The following ARFGAP3 variants were observed in gnomAD, a reference collection of about 807,000 sequenced individuals.
ARFGAP3 encodes ARF GTPase activating protein 3.
Under a neutral mutation model 75.0 loss-of-function variants are expected in ARFGAP3, and 72 were observed. That is an observed-to-expected ratio of 0.96 (90% CI 0.79 to 1.17). The LOEUF (loss-of-function observed/expected upper bound fraction) is 1.17. Ranked by LOEUF, ARFGAP3 falls within the 50% of genes most tolerant of loss-of-function variation. The pLI is 0.00. For missense variants in ARFGAP3, 620 were observed against 626.6 expected, an observed-to-expected ratio of 0.99 and a Z score of 0.11; for synonymous variants, 221 against 217.9, an observed-to-expected ratio of 1.01 and a Z score of -0.13.
chr22:42,846,533 G>A (rs1350176979), intron 2 of ARFGAP3, among the ~76,000 whole-genome samples: 2 of 152,222 alleles, frequency 1.3e-5, no homozygotes, highest in African/African-American at 4.8e-5. Flanking sequence ...GTAGAAGACG[G>A]TTTACTCACC....
At chr22:42,799,718 T>G (rs138735963) in intron 14 of ARFGAP3, among the ~76,000 whole-genome samples, 1 of 152,306 alleles carries the variant, frequency 6.6e-6, no homozygotes, top group East Asian at 1.9e-4. Context: ...CTGGGGTTAT[T>G]GGCAGGGACA....
intron 11 of ARFGAP3, among the ~76,000 whole-genome samples, chr22:42,816,258 C>T (rs1442777637): frequency 2.6e-5 from 4 of 152,228 alleles, no homozygotes; most frequent in Admixed American, 6.5e-5. Flanking sequence ...TCATTCGATC[C>T]TCACACAACC....
At chr22:42,845,506 A>G (rs1926973626) in intron 2 of ARFGAP3, among the ~76,000 whole-genome samples, 1 of 149,858 alleles carries the variant, frequency 6.7e-6, no homozygotes, top group Non-Finnish European at 1.5e-5. Context: ...AGCCTGGGTG[A>G]CAAAGCAAGA....
chr22:42,818,435 CTT>C (rs1056106892), intron 9 of ARFGAP3, among the ~76,000 whole-genome samples: 1 of 152,152 alleles, frequency 6.6e-6, no homozygotes, highest in African/African-American at 2.4e-5. Context: ...CTAATAGACT[CTT>C]TAGCACTACT....
In ARFGAP3 at chr22:42,834,288, G is replaced by A. The variant is rs1300247948; in HGVS notation, c.431C>T (p.Pro144Leu). The A allele has an allele frequency of 1.2e-6, 2 of 1,613,866 alleles. No homozygotes were observed. Among genetic ancestry groups the A allele is most frequent in the South Asian group, 2.2e-5 (2 of 91,068 alleles). Residue 144 changes from proline (P) to leucine (L), a missense_variant, in exon 5 of 16, where the codon CCT becomes CTT. By Grantham distance (98) the Pro-to-Leu change is moderately conservative (BLOSUM62 -3). Transcript: ENST00000263245. ...AAAAAAATCTTCCTCCTTTGGTGGAGGGGACAAAGGTGGAACCACACAACT... is the reference window on the plus strand; with the variant it reads ...AAAAAAATCTTCCTCCTTTGGTGGAAGGGACAAAGGTGGAACCACACAACT... The part of the protein sequence containing the change: ...LDSCVVPPLS[P>L]PPKEEDFFAS...
intron 2 of ARFGAP3, among the ~76,000 whole-genome samples, chr22:42,843,529 C>T (rs964750607): frequency 6.6e-6 from 1 of 152,068 alleles, no homozygotes; most frequent in Non-Finnish European, 1.5e-5. Flanking sequence ...CCACCATGCC[C>T]GGCCTTGTCT....
chr22:42,823,726 A>C (rs999585067), intron 7 of ARFGAP3, 24 bp from the exon 8 acceptor site: 3 of 1,513,532 alleles, frequency 2.0e-6, no homozygotes, highest in Non-Finnish European at 2.7e-6. Flanking sequence ...AAAATTAAAA[A>C]GTAAGACCAA....
chr22:42,797,536 T>G lies in ARFGAP3; in HGVS notation c.*52A>C. 1 of 1,612,972 alleles carries G rather than the reference T, an allele frequency of 6.2e-7. No homozygotes were observed. The highest frequency in any genetic ancestry group is 8.5e-7 in the Non-Finnish European group (1 of 1,179,000). On this transcript the variant is annotated 3_prime_UTR_variant, in exon 16 of 16. Transcript: ENST00000263245. Reference sequence around the variant, plus strand: ...TCACTGCCGCCTGAGATGTGGTTACTTGTTCATTTAAAGAGGAATTTCTCC... The same window carrying G: ...TCACTGCCGCCTGAGATGTGGTTACGTGTTCATTTAAAGAGGAATTTCTCC...
At chr22:42,835,986 T>C (rs548823669) in intron 3 of ARFGAP3, among the ~76,000 whole-genome samples, 247 of 145,914 alleles carry the variant, frequency 1.7e-3, no homozygotes, top group African/African-American at 4.6e-3. Flanking sequence ...CTTTCTTTTT[T>C]TTTTTTTTTT....
chr22:42,842,749 C>T lies in ARFGAP3; in HGVS notation c.189-1733G>A, dbSNP rs114637183. On this transcript the variant is annotated intron_variant, in intron 2 of 15. Transcript: ENST00000263245. ...ATTAATCTAGAGTTTTACTTATAGA[C>T]AATCTCAGTAATTTCCCAGCCGCCC... Among the ~76,000 whole-genome samples the T allele has an allele frequency of 6.1e-3, 931 of 152,166 alleles. 11 individuals are homozygous for T. The highest frequency in any genetic ancestry group is 0.022 in the African/African-American group (896 of 41,498).
Position 42,797,612 on chromosome 22 carries a change from A to G in ARFGAP3, c.1534-7T>C, listed in dbSNP as rs1038282613. 5 of 1,613,948 alleles carry G rather than the reference A, an allele frequency of 3.1e-6. No individual in the cohort carries two copies. The highest frequency in any genetic ancestry group is 2.2e-5 in the South Asian group (2 of 91,080). On this transcript the variant is annotated splice_polypyrimidine_tract_variant and splice_region_variant and intron_variant, in intron 15 of 15. Transcript: ENST00000263245. The stretch of plus-strand genomic sequence containing the variant: ...ATTAAGAACCGTAGCGATCCTGAAG[A>G]GAGAACCAAAATGGAAGTTCACGAC...
chr22:42,849,060 T>C (rs1354485942), intron 1 of ARFGAP3, among the ~76,000 whole-genome samples: 3 of 151,602 alleles, frequency 2.0e-5, no homozygotes, highest in Non-Finnish European at 2.9e-5. Flanking sequence ...TGCTGAGGAG[T>C]TGAGGCCCCC....
intron 13 of ARFGAP3, among the ~76,000 whole-genome samples, chr22:42,808,200 C>A (rs1422476933): frequency 1.3e-5 from 2 of 151,716 alleles, no homozygotes; most frequent in East Asian, 3.9e-4. Context: ...GAGTTCAAGA[C>A]CAGCCTAGCC....
chr22:42,849,904 A>G (rs1366167208), intron 1 of ARFGAP3, among the ~76,000 whole-genome samples: 3 of 152,154 alleles, frequency 2.0e-5, no homozygotes, highest in East Asian at 1.9e-4. Flanking sequence ...GAACCTGCAC[A>G]TGGTAAACGC....
At chr22:42,807,881 A>G (rs1925197736) in intron 13 of ARFGAP3, among the ~76,000 whole-genome samples, 1 of 150,086 alleles carries the variant, frequency 6.7e-6, no homozygotes, top group Non-Finnish European at 1.5e-5. Context: ...AAGTAGCTGG[A>G]CTAGAAGCGC....
chr22:42,811,477 G>A (rs1925364548), intron 11 of ARFGAP3, among the ~76,000 whole-genome samples: 1 of 152,188 alleles, frequency 6.6e-6, no homozygotes, highest in Non-Finnish European at 1.5e-5. Flanking sequence ...ACACTGCTGG[G>A]CCTAGAGAAC....
intron 1 of ARFGAP3, among the ~76,000 whole-genome samples, chr22:42,852,344 C>T (rs1043744044): frequency 6.6e-5 from 10 of 151,704 alleles, no homozygotes; most frequent in South Asian, 2.1e-4. Context: ...CAGGCGCCAC[C>T]GCGCCTAGCC....
chr22:42,807,401 A>G (rs918128158), intron 13 of ARFGAP3: 1 of 298,334 alleles, frequency 3.4e-6, no homozygotes, highest in Non-Finnish European at 5.0e-6. Context: ...CACGATGGCC[A>G]GTGCGGAGGC....
At chr22:42,808,317 A>C (rs1389159046) in intron 13 of ARFGAP3, among the ~76,000 whole-genome samples, 1 of 151,702 alleles carries the variant, frequency 6.6e-6, no homozygotes, top group Non-Finnish European at 1.5e-5. Flanking sequence ...AAAATCGCTT[A>C]AACTTGGGAG....
Sources: allele counts gnomAD v4.1 joint callset (sites outside exome capture counted in the v4.1 genomes callset), GRCh38; gene constraint gnomAD v4.1.1; transcripts MANE v1.5; gene names NCBI Gene and HGNC (gene_info 2026-07-23, HGNC 2026-07-21).